GPC5: variants seen among roughly 807,000 people sequenced by gnomAD.
GPC5 encodes glypican-5.
In GPC5, 47 loss-of-function variants were observed where a neutral mutation model predicts 53.9. That is an observed-to-expected ratio of 0.87 (90% CI 0.69 to 1.11). The LOEUF (loss-of-function observed/expected upper bound fraction) is 1.11, where lower values mean the gene tolerates loss of function less well. Ranked by LOEUF, GPC5 falls within the 50% of genes most tolerant of loss-of-function variation. The pLI, the probability that GPC5 is intolerant of heterozygous loss-of-function variation, is 0.00. For missense variants in GPC5, 748 were observed against 713.1 expected, an observed-to-expected ratio of 1.05 and a Z score of -0.56; for synonymous variants, 286 against 263.3, an observed-to-expected ratio of 1.09 and a Z score of -0.84.
At chr13:92,129,126 G>A (rs1171325722) in intron 6 of GPC5, among the ~76,000 whole-genome samples, 2 of 152,130 alleles carry the variant, frequency 1.3e-5, no homozygotes, top group Non-Finnish European at 2.9e-5. Flanking sequence ...AAAGGCCTAA[G>A]CTCAATACCC....
rs941452063 is a variant in GPC5 at position 92,380,730 on chromosome 13, G to A, written c.1561+235741G>A. On this transcript the variant is annotated intron_variant, in intron 7 of 7. Coordinates refer to ENST00000377067, the MANE Select transcript of GPC5 (RefSeq NM_004466.6). ...GTTTGAGAACACATGGACACAGGAA[G>A]GGGAACATCACACTCTGGGGACTGT... Among the ~76,000 whole-genome samples the A allele has an allele frequency of 2.1e-5, 3 of 143,986 alleles. No homozygotes were observed. In the East Asian group the frequency reaches 6.3e-4, roughly 30 times the overall value. The allele number at this position is 143,986 out of a possible 152,430, so 94.5% of individuals were successfully genotyped here.
chr13:91,737,081 G>A lies in GPC5; in HGVS notation c.1154+8416G>A, dbSNP rs978991494. On this transcript the variant is annotated intron_variant, in intron 4 of 7. Transcript: ENST00000377067. ...ATCATGCCATTGCACTCCAGCCTGGGCAACAGAGCGAGACTCCGTCTCAGA... is the reference window on the plus strand; with the variant it reads ...ATCATGCCATTGCACTCCAGCCTGGACAACAGAGCGAGACTCCGTCTCAGA... 2.6e-5 allele frequency among the ~76,000 whole-genome samples: 4 copies of A among 151,354 alleles called. 1 individual carries two copies. Among genetic ancestry groups the A allele is most frequent in the African/African-American group, 9.8e-5 (4 of 40,672 alleles).
At position 91,658,265 on chromosome 13, in the gene GPC5, G is replaced by A. The variant is rs2034895788; in HGVS notation, c.326-34922G>A. Reference sequence around the variant, plus strand: ...AAGGGTGAACAAGTCTATAGTTTATGTAATACTGATAAAATTCAATTGAAA... The same window carrying A: ...AAGGGTGAACAAGTCTATAGTTTATATAATACTGATAAAATTCAATTGAAA... On this transcript the variant is annotated intron_variant, in intron 2 of 7. Coordinates refer to ENST00000377067, the MANE Select transcript of GPC5 (RefSeq NM_004466.6). Among the ~76,000 whole-genome samples, 3 of 152,118 alleles carry A rather than the reference G, an allele frequency of 2.0e-5. No individual in the cohort carries two copies. In the South Asian group the frequency reaches 6.2e-4, roughly 32 times the overall value.
intron 7 of GPC5, among the ~76,000 whole-genome samples, chr13:92,421,440 C>T (rs1469811799): frequency 6.6e-6 from 1 of 152,108 alleles, no homozygotes; most frequent in Non-Finnish European, 1.5e-5. Flanking sequence ...TGGCTCACGC[C>T]TGTAATCCCA....
chr13:92,618,873 A>G lies in GPC5; in HGVS notation c.1562-247409A>G, dbSNP rs1409292291. On this transcript the variant is annotated intron_variant, in intron 7 of 7. Coordinates refer to ENST00000377067, the MANE Select transcript of GPC5 (RefSeq NM_004466.6). ...CACATTAATAAGAGTCTCACTATCT[A>G]TTATGGTATTAAGACATTGAAGTAA... Among the ~76,000 whole-genome samples, 76 of 151,986 alleles carry G rather than the reference A, an allele frequency of 5.0e-4. 1 individual carries two copies. Among genetic ancestry groups the G allele is most frequent in the Non-Finnish European group, 8.8e-5 (6 of 67,858 alleles).
intron 6 of GPC5, among the ~76,000 whole-genome samples, chr13:91,990,886 T>G (rs917317581): frequency 1.3e-5 from 2 of 152,358 alleles, no homozygotes; most frequent in East Asian, 3.9e-4. Context: ...CTCTCACTTA[T>G]CAAGTGGTAT....
At chr13:92,475,299 G>A (rs1288438507) in intron 7 of GPC5, among the ~76,000 whole-genome samples, 8 of 147,184 alleles carry the variant, frequency 5.4e-5, no homozygotes, top group African/African-American at 2.0e-4. Context: ...GGGCAGTATG[G>A]CCATTTTCAC....
At chr13:92,138,769 C>T (rs2041806220) in intron 6 of GPC5, among the ~76,000 whole-genome samples, 1 of 152,004 alleles carries the variant, frequency 6.6e-6, no homozygotes, top group Non-Finnish European at 1.5e-5. Context: ...GCCAACACAG[C>T]ACAGAGCATA....
intron 2 of GPC5, among the ~76,000 whole-genome samples, chr13:91,616,047 C>T (rs1256543319): frequency 6.6e-6 from 1 of 151,916 alleles, no homozygotes; most frequent in Non-Finnish European, 1.5e-5. Flanking sequence ...TTGACAGATA[C>T]TGGTGAAAAC....
intron 2 of GPC5, among the ~76,000 whole-genome samples, chr13:91,570,160 G>T (rs911311511): frequency 2.6e-5 from 4 of 152,070 alleles, no homozygotes; most frequent in African/African-American, 9.7e-5. Flanking sequence ...TTAAAATTTT[G>T]TGTCTATGTC....
chr13:92,223,630 T>C (rs959294010), intron 7 of GPC5, among the ~76,000 whole-genome samples: 13 of 152,232 alleles, frequency 8.5e-5, no homozygotes, highest in South Asian at 2.1e-4. Context: ...TTTTTTTTTT[T>C]CAAAACCTTT....
chr13:92,748,718 G>A (rs1889304567), intron 7 of GPC5, among the ~76,000 whole-genome samples: 1 of 152,052 alleles, frequency 6.6e-6, no homozygotes, highest in Non-Finnish European at 1.5e-5. Flanking sequence ...TTACTTTGAA[G>A]TACATTTTTA....
rs532067829 is a variant in GPC5 at position 92,006,931 on chromosome 13, C to A, written c.1401+98874C>A. 4.7e-5 allele frequency among the ~76,000 whole-genome samples: 7 copies of A among 150,096 alleles called. No homozygotes were observed. The East Asian group carries it at 1.3e-3, about 29-fold the overall frequency. On this transcript the variant is annotated intron_variant, in intron 6 of 7. Transcript: ENST00000377067. ...TACATTTTTGTAATGTTGTAGCATACATAGTTGTGGATGTTATGAATTCTG... is the reference window on the plus strand; with the variant it reads ...TACATTTTTGTAATGTTGTAGCATAAATAGTTGTGGATGTTATGAATTCTG...
At position 92,867,101 on chromosome 13, in the gene GPC5, T is replaced by C. The variant is rs1318194396; in HGVS notation, c.*662T>C. 1 of 152,090 alleles carries C rather than the reference T, an allele frequency of 6.6e-6. No homozygotes were observed. The highest frequency in any genetic ancestry group is 2.4e-5 in the African/African-American group (1 of 41,440). The allele number at this position is 152,090 out of a possible 1,614,324, so 9.4% of individuals were successfully genotyped here. A position where few individuals can be genotyped will look rare whatever the true frequency, so the allele number is the denominator to read the frequency against. ...TTATTAACACCTGATTTGTATTCCA[T>C]TATATTCAAAATGCATCTTTGGTAT... On this transcript the variant is annotated 3_prime_UTR_variant, in exon 8 of 8. Transcript: ENST00000377067.
intron 6 of GPC5, among the ~76,000 whole-genome samples, chr13:91,969,043 A>G (rs1277090707): frequency 1.3e-5 from 2 of 151,478 alleles, no homozygotes; most frequent in East Asian, 3.9e-4. Flanking sequence ...ATCTCGACTA[A>G]CTGCAGCCTC....
intron 2 of GPC5, among the ~76,000 whole-genome samples, chr13:91,616,141 AG>A: frequency 6.6e-6 from 1 of 152,268 alleles, no homozygotes; most frequent in African/African-American, 2.4e-5. Context: ...TTGCCTAGGA[AG>A]AGAGTTTACG....
chr13:91,769,432 C>T (rs1288772030), intron 5 of GPC5, among the ~76,000 whole-genome samples: 4 of 152,284 alleles, frequency 2.6e-5, no homozygotes, highest in Middle Eastern at 3.4e-3. Context: ...AATGAGATGG[C>T]AAGCCTGTGC....
chr13:91,512,760 T>C (rs1885300635), intron 2 of GPC5, among the ~76,000 whole-genome samples: 1 of 152,192 alleles, frequency 6.6e-6, no homozygotes, highest in South Asian at 2.1e-4. Flanking sequence ...ATCTTCTTGC[T>C]GTGTTTCAAG....
intron 7 of GPC5, among the ~76,000 whole-genome samples, chr13:92,466,279 T>C (rs1455724477): frequency 3.9e-5 from 6 of 152,026 alleles, no homozygotes; most frequent in Admixed American, 3.9e-4. Context: ...ACAAACTGAC[T>C]TAGTGTTTGC....
Sources: allele counts gnomAD v4.1 joint callset (sites outside exome capture counted in the v4.1 genomes callset), GRCh38; gene constraint gnomAD v4.1.1; transcripts MANE v1.5; gene names NCBI Gene and HGNC (gene_info 2026-07-23, HGNC 2026-07-21).